The following TRERF1 variants were observed in gnomAD, a reference collection of about 807,000 sequenced individuals.
The protein encoded by TRERF1 is transcriptional-regulating factor 1.
In TRERF1, 27 loss-of-function variants were observed where a neutral mutation model predicts 122.9. The ratio of observed to expected loss-of-function variants is 0.22; its 90% CI spans 0.16 to 0.30. The LOEUF is 0.30. TRERF1 is among the 10% of genes least tolerant of loss of function. The probability of loss-of-function intolerance (pLI) is 1.00; values close to 1 mark genes in which losing one functional copy is unlikely to be tolerated. For missense variants in TRERF1, 1,248 were observed against 1,560.3 expected (o/e 0.80, Z 3.37); for synonymous variants, 636 against 641.7 (o/e 0.99, Z 0.13).
chr6:42,290,629 A>AT (rs1042850096), intron 4 of TRERF1, among the ~76,000 whole-genome samples: 7 of 148,662 alleles, frequency 4.7e-5, no homozygotes, highest in Admixed American at 6.8e-5. Context: ...CCAGAACATC[A>AT]TTTTTTTTAA....
At chr6:42,264,079 T>C (rs1778719583) in intron 7 of TRERF1, among the ~76,000 whole-genome samples, 1 of 152,242 alleles carries the variant, frequency 6.6e-6, no homozygotes, top group Non-Finnish European at 1.5e-5. Flanking sequence ...TGGAGTGATC[T>C]GGGTAATCAA....
chr6:42,316,324 A>G (rs1762495882), intron 3 of TRERF1, among the ~76,000 whole-genome samples: 1 of 152,148 alleles, frequency 6.6e-6, no homozygotes. Context: ...AATGAGAAAA[A>G]TGCCTCAATG....
At chr6:42,381,589 C>A (rs771555586) in intron 2 of TRERF1, among the ~76,000 whole-genome samples, 1 of 151,822 alleles carries the variant, frequency 6.6e-6, no homozygotes, top group Non-Finnish European at 1.5e-5. Flanking sequence ...CCTTGAGGAC[C>A]AAGAGCAGGG....
At chr6:42,367,309 A>G (rs1245218884) in intron 2 of TRERF1, among the ~76,000 whole-genome samples, 4 of 152,148 alleles carry the variant, frequency 2.6e-5, no homozygotes, top group Non-Finnish European at 4.4e-5. Flanking sequence ...AGGTTTGCAA[A>G]GAAGGATGGC....
intron 2 of TRERF1, among the ~76,000 whole-genome samples, chr6:42,363,308 C>G (rs1047294246): frequency 6.6e-6 from 1 of 152,192 alleles, no homozygotes; most frequent in African/African-American, 2.4e-5. Context: ...GTTATTCAGG[C>G]TCTAAACCCA....
At position 42,268,244 on chromosome 6, in the gene TRERF1, G is replaced by C; in HGVS notation, c.1347C>G (p.Pro449=). 1 of 1,498,644 alleles carries C rather than the reference G, an allele frequency of 6.7e-7. No homozygotes were observed. Among genetic ancestry groups the C allele is most frequent in the Non-Finnish European group, 8.9e-7 (1 of 1,124,404 alleles). The allele number at this position is 1,498,644 out of a possible 1,614,324, so 92.8% of individuals were successfully genotyped here. Residue 449 remains proline, a synonymous_variant, in exon 5 of 18, where the codon CCC becomes CCG. Transcript: ENST00000372922. This position sits in a 1 kb window ranked among gnomAD's most constrained non-coding sequence, Gnocchi z 4.4. The stretch of plus-strand genomic sequence containing the variant: ...CACTGGGGGATAGGAGGGGGCGATG[G>C]GGGAGGGTGCTGCTGACCCGGGTCA...
At chr6:42,318,613 CAG>C (rs1762889542) in intron 3 of TRERF1, among the ~76,000 whole-genome samples, 1 of 152,228 alleles carries the variant, frequency 6.6e-6, no homozygotes, top group African/African-American at 2.4e-5. Flanking sequence ...AATGGATACT[CAG>C]GGGCTGGACA....
At chr6:42,298,597 G>A (rs552623457) in intron 4 of TRERF1, among the ~76,000 whole-genome samples, 3 of 147,836 alleles carry the variant, frequency 2.0e-5, no homozygotes, top group African/African-American at 7.5e-5. Flanking sequence ...TGGAGGTCAG[G>A]AGTTCGAGAC....
At chr6:42,280,276 T>G (rs1782068544) in intron 4 of TRERF1, among the ~76,000 whole-genome samples, 1 of 152,206 alleles carries the variant, frequency 6.6e-6, no homozygotes, top group African/African-American at 2.4e-5. Context: ...CTCTGGCAAC[T>G]AGGGCTGGAG....
intron 2 of TRERF1, among the ~76,000 whole-genome samples, chr6:42,429,350 G>A (rs260249): frequency 0.91 from 138,644 of 151,978 alleles, 64,026 homozygotes; most frequent in Non-Finnish European, 0.99. Flanking sequence ...GGTCTGGGAA[G>A]CCCTACTCAC....
In TRERF1 at chr6:42,279,640, G is replaced by C. The variant is rs1021250825; in HGVS notation, c.-258-9792C>G. On this transcript the variant is annotated intron_variant, in intron 4 of 17. Coordinates refer to ENST00000372922, the Ensembl canonical transcript of TRERF1. Reference sequence around the variant, plus strand: ...AAGCGGCCAGAACAGCCTCCGGCAGGTGGGCAGCACAGACCAACTTCCTCT... The same window carrying C: ...AAGCGGCCAGAACAGCCTCCGGCAGCTGGGCAGCACAGACCAACTTCCTCT... Among the ~76,000 whole-genome samples, 4 of 152,300 alleles carry C rather than the reference G, an allele frequency of 2.6e-5. No individual in the cohort carries two copies. The East Asian group carries it at 7.7e-4, about 29-fold the overall frequency.
chr6:42,226,721 C>T (rs906712674), exon 18 of TRERF1: 4 of 152,188 alleles, frequency 2.6e-5, no homozygotes, highest in Non-Finnish European at 5.9e-5. Context: ...GTGCTAAATG[C>T]TTTTGCAGAG....
At chr6:42,290,275 T>G (rs77864745) in intron 4 of TRERF1, among the ~76,000 whole-genome samples, 2,090 of 152,270 alleles carry the variant, frequency 0.014, 18 homozygotes, top group South Asian at 0.03. Flanking sequence ...TGGCACCCAC[T>G]GGGTGCTAAG....
At chr6:42,287,306 AG>A (rs1363830729) in intron 4 of TRERF1, among the ~76,000 whole-genome samples, 12 of 151,358 alleles carry the variant, frequency 7.9e-5, no homozygotes, top group African/African-American at 2.9e-4. Context: ...AAAAAAAAAA[AG>A]AAAAGGATGG....
chr6:42,390,343 C>T (rs1250585519), intron 2 of TRERF1, among the ~76,000 whole-genome samples: 2 of 152,168 alleles, frequency 1.3e-5, no homozygotes, highest in Non-Finnish European at 2.9e-5. Context: ...ACTTGTTTCA[C>T]ACTCACTACT....
chr6:42,319,171 T>C (rs745466172), intron 3 of TRERF1, among the ~76,000 whole-genome samples: 10 of 152,156 alleles, frequency 6.6e-5, no homozygotes, highest in Non-Finnish European at 1.5e-4. Context: ...CTAATTACTT[T>C]CCTCCATGAC....
intron 4 of TRERF1, among the ~76,000 whole-genome samples, chr6:42,274,512 T>C (rs551547722): frequency 1.3e-5 from 2 of 150,554 alleles, no homozygotes; most frequent in African/African-American, 4.9e-5. Context: ...CTGTCTCTAC[T>C]AAAAAAAAAT....
At chr6:42,441,669 A>C (rs754217139) in intron 2 of TRERF1, among the ~76,000 whole-genome samples, 3 of 151,562 alleles carry the variant, frequency 2.0e-5, no homozygotes, top group Non-Finnish European at 2.9e-5. Context: ...GGTTTAAAAA[A>C]AAAAAAGAAA....
intron 3 of TRERF1, among the ~76,000 whole-genome samples, chr6:42,320,332 G>A (rs1763205334): frequency 6.6e-6 from 1 of 151,944 alleles, no homozygotes; most frequent in African/African-American, 2.4e-5. Context: ...CCTACTTTAG[G>A]TGGTGGAGCG....
Sources: allele counts gnomAD v4.1 joint callset (sites outside exome capture counted in the v4.1 genomes callset), GRCh38; gene constraint gnomAD v4.1.1; non-coding constraint Gnocchi (gnomAD v3.1); transcripts MANE v1.5; gene names NCBI Gene and HGNC (gene_info 2026-07-23, HGNC 2026-07-21).